UBE2E2: variants seen among roughly 807,000 people sequenced by gnomAD.
The protein encoded by UBE2E2 is ubiquitin conjugating enzyme E2 E2.
Under a neutral mutation model 24.7 loss-of-function variants are expected in UBE2E2, and 6 were observed. The ratio of observed to expected loss-of-function variants is 0.24; its 90% CI spans 0.13 to 0.48. The LOEUF is 0.48. Among genes scored for constraint, UBE2E2 ranks in the 20% least tolerant of loss-of-function variants. The pLI is 0.99. For missense variants in UBE2E2, 169 were observed against 245.0 expected (o/e 0.69, Z 2.07); for synonymous variants, 104 against 83.6 (o/e 1.24, Z -1.33).
intron 3 of UBE2E2, among the ~76,000 whole-genome samples, chr3:23,377,317 A>G (rs1174501885): frequency 1.3e-5 from 2 of 152,230 alleles, no homozygotes; most frequent in Admixed American, 6.5e-5. Flanking sequence ...GCCTGCATCT[A>G]AAAGTGTGTT....
At chr3:23,277,731 T>C (rs1344177163) in intron 3 of UBE2E2, among the ~76,000 whole-genome samples, 1 of 152,086 alleles carries the variant, frequency 6.6e-6, no homozygotes, top group Non-Finnish European at 1.5e-5. Flanking sequence ...ATGCTTACTA[T>C]GTGAAGGCTG....
chr3:23,228,369 C>A (rs1440243379), intron 3 of UBE2E2, among the ~76,000 whole-genome samples: 1 of 151,844 alleles, frequency 6.6e-6, no homozygotes, highest in African/African-American at 2.4e-5. Context: ...TTGAGTTTGC[C>A]CAGCTTTATA....
At chr3:23,376,829 A>G (rs1696533705) in intron 3 of UBE2E2, among the ~76,000 whole-genome samples, 1 of 152,220 alleles carries the variant, frequency 6.6e-6, no homozygotes, top group Non-Finnish European at 1.5e-5. Context: ...TGTATTTTGA[A>G]GTCCAGTAGT....
intron 3 of UBE2E2, among the ~76,000 whole-genome samples, chr3:23,406,391 T>A (rs1697356936): frequency 6.6e-6 from 1 of 152,244 alleles, no homozygotes; most frequent in Admixed American, 6.5e-5. Context: ...TTTAACTCTT[T>A]GACCAAACCT....
At chr3:23,347,061 C>T (rs1695576224) in intron 3 of UBE2E2, among the ~76,000 whole-genome samples, 1 of 152,186 alleles carries the variant, frequency 6.6e-6, no homozygotes, top group Admixed American at 6.5e-5. Flanking sequence ...CCTCTCTTTA[C>T]ATCCCTGCCC....
chr3:23,440,424 A>C (rs578196696), intron 3 of UBE2E2, among the ~76,000 whole-genome samples: 133 of 152,338 alleles, frequency 8.7e-4, no homozygotes, highest in African/African-American at 2.9e-3. Flanking sequence ...TCTTCTTTAT[A>C]TAGATATCTA....
intron 3 of UBE2E2, among the ~76,000 whole-genome samples, chr3:23,231,705 C>G (rs561374329): frequency 6.6e-6 from 1 of 152,320 alleles, no homozygotes; most frequent in South Asian, 2.1e-4. Flanking sequence ...CTTGGAACGT[C>G]TGACTGACTT....
At chr3:23,556,734 A>G (rs1040386139) in intron 5 of UBE2E2, among the ~76,000 whole-genome samples, 21 of 152,176 alleles carry the variant, frequency 1.4e-4, no homozygotes, top group African/African-American at 4.8e-4. Context: ...TAAATCAGGA[A>G]TCCAGCATTT....
chr3:23,225,882 T>TG (rs1263518452), intron 3 of UBE2E2, among the ~76,000 whole-genome samples: 3 of 151,958 alleles, frequency 2.0e-5, no homozygotes, highest in South Asian at 2.1e-4. Flanking sequence ...TGTTTTTTTT[T>TG]TTTGTTTTTG....
chr3:23,412,696 A>G (rs1253451934), intron 3 of UBE2E2, among the ~76,000 whole-genome samples: 1 of 152,162 alleles, frequency 6.6e-6, no homozygotes, highest in Non-Finnish European at 1.5e-5. Context: ...TTATTCAAGT[A>G]CACTGACAAC....
At chr3:23,256,344 T>C (rs1697720832) in intron 3 of UBE2E2, among the ~76,000 whole-genome samples, 1 of 152,208 alleles carries the variant, frequency 6.6e-6, no homozygotes, top group Non-Finnish European at 1.5e-5. Context: ...GTTACTGCCT[T>C]GTCATATTTG....
chr3:23,390,863 A>C (rs1033487903), intron 3 of UBE2E2, among the ~76,000 whole-genome samples: 2 of 152,188 alleles, frequency 1.3e-5, no homozygotes, highest in Admixed American at 1.3e-4. Flanking sequence ...AAGAAACATC[A>C]TTATATCTTT....
At chr3:23,576,102 T>G (rs1371332230) in intron 5 of UBE2E2, among the ~76,000 whole-genome samples, 1 of 152,164 alleles carries the variant, frequency 6.6e-6, no homozygotes, top group Non-Finnish European at 1.5e-5. Flanking sequence ...AAGGTAGTAT[T>G]TTTTTACTTT....
At chr3:23,245,065 C>G (rs1477028166) in intron 3 of UBE2E2, among the ~76,000 whole-genome samples, 1 of 151,982 alleles carries the variant, frequency 6.6e-6, no homozygotes, top group Non-Finnish European at 1.5e-5. Flanking sequence ...ATGAGAATAT[C>G]CTTTGGGCTT....
chr3:23,556,244 A>G (rs981796747), intron 5 of UBE2E2, among the ~76,000 whole-genome samples: 3 of 147,090 alleles, frequency 2.0e-5, no homozygotes, highest in African/African-American at 7.6e-5. Flanking sequence ...TCCCAGGTTC[A>G]AGCGATTCTT....
intron 1 of UBE2E2, among the ~76,000 whole-genome samples, chr3:23,205,594 A>C (rs1346495640): frequency 2.6e-5 from 4 of 152,194 alleles, no homozygotes; most frequent in African/African-American, 9.6e-5. Context: ...TATTTGAAAA[A>C]GAGATGTGAA....
At position 23,401,178 on chromosome 3, in the gene UBE2E2, A is replaced by G. The variant is rs987797798; in HGVS notation, c.228-98430A>G. ...GAACCAGCTAGTGCAGAAGGCAGGA[A>G]CCCACTTTGCCCACCAGGTAACAGG... On this transcript the variant is annotated intron_variant, in intron 3 of 5. Transcript: ENST00000396703. Among the ~76,000 whole-genome samples, 12 of 152,312 alleles carry G rather than the reference A, an allele frequency of 7.9e-5. No homozygotes were observed. In the South Asian group the frequency reaches 1.5e-3, roughly 18 times the overall value.
At chr3:23,402,005 C>T (rs1420602155) in intron 3 of UBE2E2, among the ~76,000 whole-genome samples, 3 of 151,662 alleles carry the variant, frequency 2.0e-5, no homozygotes, top group Non-Finnish European at 4.4e-5. Context: ...TACAGGCGTG[C>T]ACTACCACGC....
intron 3 of UBE2E2, among the ~76,000 whole-genome samples, chr3:23,357,695 GA>G (rs1695998055): frequency 6.6e-6 from 1 of 152,012 alleles, no homozygotes; most frequent in Admixed American, 6.6e-5. Context: ...ACCATTAAAA[GA>G]AATACAGAAA....
Sources: gnomAD v4.1 joint callset for allele counts (sites outside exome capture counted in the v4.1 genomes callset) on GRCh38, gnomAD v4.1.1 for gene constraint, MANE v1.5 for transcripts, NCBI Gene and HGNC (gene_info 2026-07-23, HGNC 2026-07-21) for gene names.